NEDD9: variants seen among roughly 807,000 people sequenced by gnomAD.
NEDD9 encodes enhancer of filamentation 1.
In NEDD9, 26 loss-of-function variants were observed where a neutral mutation model predicts 76.6. The ratio of observed to expected loss-of-function variants is 0.34; its 90% CI spans 0.25 to 0.47. NEDD9 has a LOEUF of 0.47. Among genes scored for constraint, NEDD9 ranks in the 20% least tolerant of loss-of-function variants. The pLI is 1.00. For missense variants in NEDD9, 937 were observed against 1,058.5 expected (o/e 0.89, Z 1.59); for synonymous variants, 392 against 414.2 (o/e 0.95, Z 0.65).
At chr6:11,267,246 A>AAC (rs532376356) in intron 3 of NEDD9, among the ~76,000 whole-genome samples, 77 of 152,330 alleles carry the variant, frequency 5.1e-4, no homozygotes, top group Non-Finnish European at 6.9e-4. Flanking sequence ...CTTTCAAGAA[A>AAC]ACAAAACCTG....
chr6:11,361,005 C>G (rs78426113), intron 1 of NEDD9, among the ~76,000 whole-genome samples: 18 of 152,280 alleles, frequency 1.2e-4, no homozygotes, highest in Non-Finnish European at 2.5e-4. Context: ...TGTGAGCGTA[C>G]ATGTGTGTGA....
intron 1 of NEDD9, among the ~76,000 whole-genome samples, chr6:11,349,659 C>T (rs983223781): frequency 6.6e-6 from 1 of 152,140 alleles, no homozygotes; most frequent in Non-Finnish European, 1.5e-5. Context: ...CCTCAGCATA[C>T]TAATCGGGAA....
intron 3 of NEDD9, among the ~76,000 whole-genome samples, chr6:11,244,588 A>G (rs573888841): frequency 9.8e-5 from 15 of 152,322 alleles, no homozygotes; most frequent in Middle Eastern, 3.4e-3. Context: ...CTGATTGGTC[A>G]TAGAATACAT....
At chr6:11,315,685 A>C (rs1255134358) in intron 2 of NEDD9, among the ~76,000 whole-genome samples, 1 of 152,218 alleles carries the variant, frequency 6.6e-6, no homozygotes, top group Non-Finnish European at 1.5e-5. Context: ...ATTGGCTTAT[A>C]AATGAATTCA....
intron 1 of NEDD9, among the ~76,000 whole-genome samples, chr6:11,214,931 G>A (rs1023071741): frequency 2.1e-4 from 32 of 152,190 alleles, no homozygotes; most frequent in Non-Finnish European, 4.1e-4. Context: ...TGACATATTC[G>A]TGGGATTTTC....
intron 2 of NEDD9, among the ~76,000 whole-genome samples, chr6:11,323,827 C>A (rs568383526): frequency 2.9e-3 from 447 of 152,340 alleles, no homozygotes; most frequent in Non-Finnish European, 4.9e-3. Context: ...CACCATTAAC[C>A]ACCTTGCACG....
upstream of NEDD9, chr6:11,233,255 AG>A (rs1759535106): frequency 1.9e-6 from 1 of 518,732 alleles, no homozygotes; most frequent in Non-Finnish European, 3.8e-6. Context: ...TTGCGATGTC[AG>A]TCTGCAAGGA....
chr6:11,240,020 G>A (rs1759679878), intron 3 of NEDD9, among the ~76,000 whole-genome samples: 1 of 148,868 alleles, frequency 6.7e-6, no homozygotes, highest in Admixed American at 6.7e-5. Context: ...CTCCAGCCTG[G>A]GGACAGAGCG....
At chr6:11,288,189 G>A (rs980938199) in intron 3 of NEDD9, among the ~76,000 whole-genome samples, 14 of 152,330 alleles carry the variant, frequency 9.2e-5, no homozygotes, top group South Asian at 2.1e-4. Flanking sequence ...TTCAAGTGGC[G>A]TATGGCGTGT....
chr6:11,365,599 A>G (rs1762748022), intron 1 of NEDD9, among the ~76,000 whole-genome samples: 1 of 152,242 alleles, frequency 6.6e-6, no homozygotes, highest in Non-Finnish European at 1.5e-5. Flanking sequence ...CTTCCCTGCA[A>G]GCACATTTTG....
chr6:11,306,214 T>C, intron 2 of NEDD9: 1 of 607,138 alleles, frequency 1.6e-6, no homozygotes, highest in Non-Finnish European at 2.9e-6. Context: ...TTGAGATGCT[T>C]TTCATCATTT....
At chr6:11,257,775 C>CTGTGTGTGTGTGTGTG (rs3067253) in intron 3 of NEDD9, among the ~76,000 whole-genome samples, 2,932 of 142,994 alleles carry the variant, frequency 0.021, 123 homozygotes, top group African/African-American at 0.068. Flanking sequence ...AATGTAGATT[C>CTGTGTGTGTGTGTGTG]TGTGTGTGTG....
intron 3 of NEDD9, among the ~76,000 whole-genome samples, chr6:11,282,063 T>C (rs1363498097): frequency 6.6e-6 from 1 of 152,196 alleles, no homozygotes; most frequent in East Asian, 1.9e-4. Flanking sequence ...TCTCAGAGAA[T>C]TATATTATGT....
chr6:11,286,457 T>A (rs185210878), intron 3 of NEDD9, among the ~76,000 whole-genome samples: 20 of 152,340 alleles, frequency 1.3e-4, no homozygotes, highest in Admixed American at 1.3e-3. Context: ...AATCTAGTCA[T>A]TGATTCCTAG....
intron 1 of NEDD9, among the ~76,000 whole-genome samples, chr6:11,355,761 C>T (rs1762553890): frequency 6.6e-6 from 1 of 151,970 alleles, no homozygotes; most frequent in South Asian, 2.1e-4. Context: ...CGCTCTGTCG[C>T]CCAGGCTGGA....
At chr6:11,209,760 T>C (rs776335977) in intron 2 of NEDD9, among the ~76,000 whole-genome samples, 1 of 152,188 alleles carries the variant, frequency 6.6e-6, no homozygotes, top group Non-Finnish European at 1.5e-5. Context: ...CAGCATCAGC[T>C]GAACCCTGAA....
At chr6:11,230,307 T>G (rs1285828472) in intron 1 of NEDD9, among the ~76,000 whole-genome samples, 4 of 152,272 alleles carry the variant, frequency 2.6e-5, no homozygotes, top group Non-Finnish European at 5.9e-5. Flanking sequence ...TTAATAGTGG[T>G]TAAAGTCATG....
At chr6:11,192,492 T>G in intron 3 of NEDD9, 46 bp from the exon 4 acceptor site, 1 of 1,412,964 alleles carries the variant, frequency 7.1e-7, no homozygotes. Context: ...TGTCTTATAC[T>G]TGGTCATTTT....
At chr6:11,211,430 C>T (rs1315994194) in intron 2 of NEDD9, among the ~76,000 whole-genome samples, 1 of 152,220 alleles carries the variant, frequency 6.6e-6, no homozygotes, top group Non-Finnish European at 1.5e-5. Flanking sequence ...TAGAGCCCAC[C>T]ACCTCCCAGC....
Sources: allele counts gnomAD v4.1 joint callset (sites outside exome capture counted in the v4.1 genomes callset), GRCh38; gene constraint gnomAD v4.1.1; transcripts MANE v1.5; gene names NCBI Gene and HGNC (gene_info 2026-07-23, HGNC 2026-07-21).